Variants in CEP350 observed in about 807,000 individuals in gnomAD.
The protein encoded by CEP350 is centrosome-associated protein 350.
A neutral mutation model predicts 331.8 loss-of-function variants in CEP350; 126 were observed. The observed-to-expected ratio is 0.38, with a 90% CI of 0.33 to 0.44. The LOEUF is 0.44. Ranked by LOEUF, CEP350 falls within the 20% of genes least tolerant of loss-of-function variation. The pLI is 1.00. For missense variants in CEP350, 3,406 were observed against 3,634.6 expected (o/e 0.94, Z 1.62); for synonymous variants, 1,200 against 1,259.5 (o/e 0.95, Z 1.00).
chr1:180,049,772 G>A (rs1657367178), intron 22 of CEP350, among the ~76,000 whole-genome samples: 1 of 152,168 alleles, frequency 6.6e-6, no homozygotes, highest in African/African-American at 2.4e-5. Flanking sequence ...TCGAACTCCT[G>A]ACCTCGTGAT....
chr1:180,080,283 T>C (rs1317624310), intron 29 of CEP350, among the ~76,000 whole-genome samples: 2 of 152,174 alleles, frequency 1.3e-5, no homozygotes, highest in Admixed American at 6.6e-5. Context: ...TTTTATAATT[T>C]TTTTCTATGC....
At chr1:179,979,138 T>A (rs1331962089) in intron 1 of CEP350, among the ~76,000 whole-genome samples, 1 of 152,160 alleles carries the variant, frequency 6.6e-6, no homozygotes, top group African/African-American at 2.4e-5. Context: ...TTATGAGGAA[T>A]CTCCATACTG....
chr1:180,021,874 T>TATA, intron 12 of CEP350, among the ~76,000 whole-genome samples: 1 of 152,186 alleles, frequency 6.6e-6, no homozygotes, highest in South Asian at 2.1e-4. Context: ...CTTCTAAAGT[T>TATA]CCCTTCTTAT....
intron 30 of CEP350, among the ~76,000 whole-genome samples, chr1:180,082,638 A>G (rs1470824295): frequency 2.0e-5 from 3 of 152,160 alleles, no homozygotes; most frequent in Non-Finnish European, 2.9e-5. Context: ...TTTAGTACTT[A>G]AAAACATAAA....
At chr1:180,004,144 G>T (rs536412978) in intron 7 of CEP350, among the ~76,000 whole-genome samples, 1 of 152,238 alleles carries the variant, frequency 6.6e-6, no homozygotes, top group African/African-American at 2.4e-5. Flanking sequence ...GTTATTAGTT[G>T]AGTATACTAG....
At chr1:179,998,444 T>C (rs1653632359) in intron 6 of CEP350, among the ~76,000 whole-genome samples, 1 of 151,788 alleles carries the variant, frequency 6.6e-6, no homozygotes. Context: ...TAGCTGGGAT[T>C]ACAGGCACCC....
At chr1:180,042,132 T>TCA (rs59048123) in intron 19 of CEP350, among the ~76,000 whole-genome samples, 2,863 of 146,518 alleles carry the variant, frequency 0.02, 60 homozygotes, top group Admixed American at 0.046. Flanking sequence ...GAGTTTTCTC[T>TCA]CACACACACA....
Position 180,028,374 on chromosome 1 carries a change from G to A in CEP350, c.3551-2946G>A, listed in dbSNP as rs556917021. ...CTCAATTCTTATTTTGCAATTGTTA[G>A]CGTTTGCTAAGTTAGTGTCTCACCT... On this transcript the variant is annotated intron_variant, in intron 14 of 37. Coordinates refer to ENST00000367607, the MANE Select transcript of CEP350 (RefSeq NM_014810.5). Among the ~76,000 whole-genome samples the A allele has an allele frequency of 2.0e-5, 3 of 152,290 alleles. No individual in the cohort carries two copies. The East Asian group carries it at 5.8e-4, about 29-fold the overall frequency.
At chr1:179,992,286 T>A in intron 5 of CEP350, 65 bp downstream of exon 5, 1 of 1,329,982 alleles carries the variant, frequency 7.5e-7, no homozygotes, top group Non-Finnish European at 9.8e-7. Flanking sequence ...AGTAAGAGTA[T>A]ACGTTGTTTT....
At chr1:180,034,113 G>C in intron 16 of CEP350, 31 bp downstream of exon 16, 1 of 1,586,270 alleles carries the variant, frequency 6.3e-7, no homozygotes, top group Non-Finnish European at 8.6e-7. Context: ...GTAATTTTTA[G>C]AATACGATAT....
At chr1:180,054,200 C>T (rs1657679085) in intron 24 of CEP350, among the ~76,000 whole-genome samples, 1 of 152,122 alleles carries the variant, frequency 6.6e-6, no homozygotes, top group Non-Finnish European at 1.5e-5. Context: ...TCCCCAAGTC[C>T]TTCTGTCTCC....
chr1:180,013,804 A>G, intron 9 of CEP350, 43 bp from the exon 10 acceptor site: 1 of 1,487,514 alleles, frequency 6.7e-7, no homozygotes, highest in Non-Finnish European at 9.1e-7. Flanking sequence ...CTTAGGAATG[A>G]GTATAGAATT....
intron 14 of CEP350, among the ~76,000 whole-genome samples, chr1:180,029,525 C>A (rs1036696102): frequency 6.6e-6 from 1 of 152,128 alleles, no homozygotes; most frequent in Non-Finnish European, 1.5e-5. Flanking sequence ...GCATTAAGCA[C>A]GTTTATACTG....
intron 30 of CEP350, among the ~76,000 whole-genome samples, chr1:180,082,590 C>T (rs879823848): frequency 1.3e-5 from 2 of 152,112 alleles, no homozygotes; most frequent in Non-Finnish European, 1.5e-5. Context: ...GCTGGGATTA[C>T]AGGCACGAAC....
intron 22 of CEP350, among the ~76,000 whole-genome samples, chr1:180,050,153 G>A (rs1340439723): frequency 6.6e-6 from 1 of 152,158 alleles, no homozygotes; most frequent in Non-Finnish European, 1.5e-5. Flanking sequence ...TCTAGGTGAC[G>A]TTCGGTTTCA....
At chr1:180,018,708 A>G (rs571956519) in intron 11 of CEP350, among the ~76,000 whole-genome samples, 1 of 152,312 alleles carries the variant, frequency 6.6e-6, no homozygotes. Flanking sequence ...ATAAAAATAA[A>G]TTCATCTCAT....
chr1:179,987,157 G>T, intron 2 of CEP350, 83 bp from the exon 3 acceptor site: 1 of 747,126 alleles, frequency 1.3e-6, no homozygotes, highest in South Asian at 1.6e-5. Context: ...GAGTGCATTT[G>T]GGAGCTTATT....
intron 21 of CEP350, among the ~76,000 whole-genome samples, chr1:180,045,327 G>A (rs1421627532): frequency 6.6e-6 from 1 of 152,112 alleles, no homozygotes; most frequent in African/African-American, 2.4e-5. Flanking sequence ...GGGTGACAGA[G>A]TGAGACTCCA....
intron 1 of CEP350, among the ~76,000 whole-genome samples, chr1:179,985,854 A>T (rs955727213): frequency 8.5e-5 from 13 of 152,200 alleles, no homozygotes; most frequent in African/African-American, 3.1e-4. Flanking sequence ...GGGTGGGGAC[A>T]CAGAACCAAA....
Sources: allele counts gnomAD v4.1 joint callset (sites outside exome capture counted in the v4.1 genomes callset), GRCh38; gene constraint gnomAD v4.1.1; transcripts MANE v1.5; gene names NCBI Gene and HGNC (gene_info 2026-07-23, HGNC 2026-07-21).